The following ARFGEF3 variants were observed in gnomAD, a reference collection of about 807,000 sequenced individuals.
ARFGEF3 encodes ARFGEF family member 3, also known as brefeldin A-inhibited guanine nucleotide-exchange protein 3.
A neutral mutation model predicts 221.7 loss-of-function variants in ARFGEF3; 96 were observed. The ratio of observed to expected loss-of-function variants is 0.43; its 90% CI spans 0.37 to 0.51. ARFGEF3 has a LOEUF of 0.51. ARFGEF3 is among the 20% of genes least tolerant of loss of function. The pLI, the probability that ARFGEF3 is intolerant of heterozygous loss-of-function variation, is 0.00. For missense variants in ARFGEF3, 2,410 were observed against 2,789.9 expected, an observed-to-expected ratio of 0.86 and a Z score of 3.07; for synonymous variants, 1,145 against 1,126.8, an observed-to-expected ratio of 1.02 and a Z score of -0.32.
intron 11 of ARFGEF3, 151 bp from the exon 12 acceptor site, chr6:138,262,550 T>C: frequency 1.3e-6 from 1 of 784,254 alleles, no homozygotes; most frequent in East Asian, 2.7e-5. Context: ...TTTGTTTCTT[T>C]TATTCATTGC....
rs574053093 is a variant in ARFGEF3, at chr6:138,236,344, AC to A, written c.421-2164del. Among the ~76,000 whole-genome samples, 145 of 152,356 alleles carry A rather than the reference AC, an allele frequency of 9.5e-4. 2 individuals are homozygous for A. The South Asian group carries it at 9.7e-3, about 10-fold the overall frequency. ...GGGGAAAATGTAAGATTTAAAGAAA[AC>A]TGTTAAATTATGAAGTACAAATGAT... On this transcript the variant is annotated intron_variant, in intron 5 of 33. Transcript: ENST00000251691.
intron 4 of ARFGEF3, chr6:138,216,632 A>C (rs1436153045): frequency 6.6e-6 from 1 of 152,186 alleles, no homozygotes; most frequent in Non-Finnish European, 1.5e-5. Context: ...AAAGAATGTG[A>C]TCATTAGTGA....
intron 19 of ARFGEF3, 120 bp downstream of exon 19, chr6:138,292,173 A>G: frequency 4.7e-6 from 4 of 847,242 alleles, no homozygotes; most frequent in Non-Finnish European, 6.6e-6. Context: ...AATCTCTTCC[A>G]TCTTTTTCAA....
chr6:138,219,103 T>C (rs1777931440), intron 4 of ARFGEF3, among the ~76,000 whole-genome samples: 1 of 152,194 alleles, frequency 6.6e-6, no homozygotes, highest in Non-Finnish European at 1.5e-5. Context: ...TAGCTGTGTA[T>C]GTTTAATCAG....
intron 17 of ARFGEF3, among the ~76,000 whole-genome samples, chr6:138,288,512 AC>A (rs1401398747): frequency 3.3e-5 from 5 of 151,658 alleles, no homozygotes; most frequent in Non-Finnish European, 7.4e-5. Flanking sequence ...GGTGAAAGAA[AC>A]CCCGTCTCTA....
intron 12 of ARFGEF3, among the ~76,000 whole-genome samples, chr6:138,278,205 A>G (rs906118803): frequency 3.9e-5 from 6 of 152,188 alleles, no homozygotes; most frequent in Non-Finnish European, 7.4e-5. Context: ...GAGTTTATCA[A>G]AGTTCTAGCT....
intron 21 of ARFGEF3, 48 bp from the exon 22 acceptor site, chr6:138,298,558 C>T (rs747933098): frequency 2.0e-6 from 3 of 1,516,316 alleles, no homozygotes; most frequent in Non-Finnish European, 2.7e-6. Flanking sequence ...AAACCATTCT[C>T]ACTGTCTGCT....
chr6:138,270,300 T>C (rs1778979274), intron 12 of ARFGEF3, among the ~76,000 whole-genome samples: 1 of 152,212 alleles, frequency 6.6e-6, no homozygotes, highest in African/African-American at 2.4e-5. Context: ...TTATCCTTAT[T>C]GTAATGTCAT....
At chr6:138,234,931 T>G (rs1339811987) in intron 5 of ARFGEF3, among the ~76,000 whole-genome samples, 1 of 152,144 alleles carries the variant, frequency 6.6e-6, no homozygotes, top group East Asian at 1.9e-4. Context: ...AAAGTGAAGG[T>G]CATATGTATT....
chr6:138,297,819 C>T (rs1048453584), intron 21 of ARFGEF3, among the ~76,000 whole-genome samples: 10 of 152,024 alleles, frequency 6.6e-5, no homozygotes, highest in Non-Finnish European at 1.2e-4. Flanking sequence ...CTGGTGTTGG[C>T]CAGGGGTGGC....
intron 2 of ARFGEF3, among the ~76,000 whole-genome samples, chr6:138,183,869 G>A (rs983126256): frequency 6.6e-6 from 1 of 152,120 alleles, no homozygotes; most frequent in Non-Finnish European, 1.5e-5. Context: ...CCCATTGCAG[G>A]CCACAGAAGT....
rs764209098 is a variant in ARFGEF3, at chr6:138,334,850, A to C, written c.6004A>C (p.Lys2002Gln). The change falls in exon 33 of 34, where the codon AAG (lysine) becomes CAG (glutamine). Residue 2002 changes from lysine to glutamine, a missense_variant. Lys to Gln is a moderately conservative substitution (Grantham distance 53). Transcript: ENST00000251691. This position sits in a 1 kb window ranked among gnomAD's most constrained non-coding sequence, Gnocchi z 5.1. ...PKVEKKDPSR[K>Q]KEWWENAGNK... is the part of the protein sequence containing the mutation. ...AGTGGAGAAGAAGGATCCCAGCCGGAAGAAGGAGTGGTGGGAGAATGCGGG... is the reference window on the plus strand; with the variant it reads ...AGTGGAGAAGAAGGATCCCAGCCGGCAGAAGGAGTGGTGGGAGAATGCGGG... 6.9e-6 allele frequency: 11 copies of C among 1,596,784 alleles called. No individual in the cohort carries two copies. The highest frequency in any genetic ancestry group is 9.4e-6 in the Non-Finnish European group (11 of 1,172,168).
chr6:138,190,415 A>G (rs1056954185), intron 2 of ARFGEF3, among the ~76,000 whole-genome samples: 15 of 152,070 alleles, frequency 9.9e-5, no homozygotes, highest in African/African-American at 3.6e-4. Context: ...TGAGCCGAGC[A>G]TGTGTTTGAT....
rs750906814 is a variant in ARFGEF3 at position 138,280,019 on chromosome 6, G to A, written c.2316G>A (p.Val772=). Reference sequence around the variant, plus strand: ...TGTAGAAGGACTTCATGAAGCAGGTGCAGACCAGCGGCGTGCTGATGGTCT... The same window carrying A: ...TGTAGAAGGACTTCATGAAGCAGGTACAGACCAGCGGCGTGCTGATGGTCT... ...PGVMKDFMKQ[V]QTSGVLMVFS... The change falls in exon 14 of 34, where the codon GTG becomes GTA. Residue 772 remains valine (V), a synonymous_variant. Transcript: ENST00000251691. The A allele has an allele frequency of 3.1e-6, 5 of 1,613,820 alleles. No homozygotes were observed. The African/African-American group carries it at 4.0e-5, about 13-fold the overall frequency.
At chr6:138,314,464 C>T (rs552327006) in intron 26 of ARFGEF3, among the ~76,000 whole-genome samples, 22 of 152,242 alleles carry the variant, frequency 1.4e-4, no homozygotes, top group Middle Eastern at 3.4e-3. Context: ...TTCTCACATG[C>T]GGAATACATT....
intron 26 of ARFGEF3, among the ~76,000 whole-genome samples, chr6:138,314,505 C>T (rs879721475): frequency 1.3e-5 from 2 of 152,318 alleles, no homozygotes; most frequent in South Asian, 4.1e-4. Flanking sequence ...AAAGCCTTAA[C>T]TTGTTTCAGC....
intron 12 of ARFGEF3, among the ~76,000 whole-genome samples, chr6:138,269,528 G>A (rs908064181): frequency 6.6e-6 from 1 of 152,152 alleles, no homozygotes; most frequent in Non-Finnish European, 1.5e-5. Flanking sequence ...TGCAGATGAC[G>A]GCCTGGCGCT....
At chr6:138,190,886 T>A (rs2143164) in intron 2 of ARFGEF3, among the ~76,000 whole-genome samples, 11,180 of 152,222 alleles carry the variant, frequency 0.073, 801 homozygotes, top group East Asian at 0.37. Flanking sequence ...TAGTCTTTGT[T>A]CCCTGTGGTG....
rs777435704 is a variant in ARFGEF3 at position 138,317,235 on chromosome 6, G to T, written c.4346-16G>T. On this transcript the variant is annotated splice_polypyrimidine_tract_variant and intron_variant, in intron 26 of 33. Coordinates refer to ENST00000251691, the MANE Select transcript of ARFGEF3 (RefSeq NM_020340.5). ...GTCTAACTGGATTTCATACAGGTCT[G>T]CTTTTTGGTTTCCAGGTCTGATAGA... is the stretch of plus-strand genomic sequence containing the variant. 6.2e-7 allele frequency: 1 copy of T among 1,610,090 alleles called. No individual in the cohort carries two copies. Among genetic ancestry groups the T allele is most frequent in the South Asian group, 1.1e-5 (1 of 90,600 alleles).
Sources: gnomAD v4.1 joint callset for allele counts (sites outside exome capture counted in the v4.1 genomes callset) on GRCh38, gnomAD v4.1.1 for gene constraint, Gnocchi (gnomAD v3.1) non-coding constraint, MANE v1.5 for transcripts, NCBI Gene and HGNC (gene_info 2026-07-23, HGNC 2026-07-21) for gene names.